PLPP4: variants seen among roughly 807,000 people sequenced by gnomAD.
PLPP4 encodes phospholipid phosphatase 4.
PLPP4 carries 20 observed loss-of-function variants against 32.2 expected under a neutral mutation model. The ratio of observed to expected loss-of-function variants is 0.62; its 90% CI spans 0.44 to 0.90. The LOEUF (loss-of-function observed/expected upper bound fraction) is 0.90. PLPP4 is among the 40% of genes least tolerant of loss of function. The probability of loss-of-function intolerance (pLI) is 0.00; values close to 1 mark genes in which losing one functional copy is unlikely to be tolerated. For synonymous variants in PLPP4, 127 were observed against 133.0 expected (o/e 0.95, Z 0.31); for missense variants, 257 against 353.1 (o/e 0.73, Z 2.18).
intron 5 of PLPP4, among the ~76,000 whole-genome samples, chr10:120,557,434 A>G (rs150579446): frequency 3.3e-4 from 50 of 152,298 alleles, no homozygotes; most frequent in African/African-American, 1.1e-3. Flanking sequence ...GGAGAATGCC[A>G]TGTCTTATTC....
At chr10:120,589,081 C>T (rs1029498647) in intron 6 of PLPP4, among the ~76,000 whole-genome samples, 9 of 152,112 alleles carry the variant, frequency 5.9e-5, no homozygotes, top group South Asian at 4.2e-4. Context: ...AACAAAAAAC[C>T]GGGAAGAAAG....
At chr10:120,524,306 C>T (rs182134105) in intron 5 of PLPP4, among the ~76,000 whole-genome samples, 45 of 152,174 alleles carry the variant, frequency 3.0e-4, no homozygotes, top group Admixed American at 9.8e-4. Context: ...TGTGACTGCT[C>T]CTCAGAGGGG....
At chr10:120,501,057 G>C (rs1348460011) in intron 1 of PLPP4, among the ~76,000 whole-genome samples, 2 of 152,268 alleles carry the variant, frequency 1.3e-5, no homozygotes, top group East Asian at 3.9e-4. Context: ...TCCAGCTCCT[G>C]CCAGGGTTCC....
intron 5 of PLPP4, among the ~76,000 whole-genome samples, chr10:120,555,368 GCATTGTGCCTGGGC>G (rs1848109578): frequency 6.6e-6 from 1 of 152,088 alleles, no homozygotes; most frequent in Non-Finnish European, 1.5e-5. Context: ...TATTTTCCTT[GCATTGTGCCTGGGC>G]CATGTGAGAC....
intron 5 of PLPP4, among the ~76,000 whole-genome samples, chr10:120,537,880 G>C (rs1304609800): frequency 6.6e-6 from 1 of 151,598 alleles, no homozygotes; most frequent in African/African-American, 2.4e-5. Flanking sequence ...AGCGAGCACT[G>C]TTCCGCATTC....
chr10:120,559,830 C>G (rs1340138495), intron 5 of PLPP4, among the ~76,000 whole-genome samples: 1 of 152,158 alleles, frequency 6.6e-6, no homozygotes, highest in Non-Finnish European at 1.5e-5. Flanking sequence ...TAAAATTTAT[C>G]AGACCTTACA....
intron 1 of PLPP4, among the ~76,000 whole-genome samples, chr10:120,474,447 G>A (rs758173260): frequency 1.3e-5 from 2 of 152,018 alleles, no homozygotes; most frequent in Non-Finnish European, 2.9e-5. Context: ...CTGAATTAAT[G>A]TACATAATAC....
chr10:120,552,447 C>G (rs1358651295), intron 5 of PLPP4, among the ~76,000 whole-genome samples: 1 of 152,084 alleles, frequency 6.6e-6, no homozygotes, highest in Non-Finnish European at 1.5e-5. Flanking sequence ...AAGTTGGAAT[C>G]TGATTTGATT....
At chr10:120,541,007 A>T (rs374443924) in intron 5 of PLPP4, among the ~76,000 whole-genome samples, 11 of 152,248 alleles carry the variant, frequency 7.2e-5, no homozygotes, top group Admixed American at 2.6e-4. Context: ...CATTCATTTT[A>T]AAATTATTTT....
chr10:120,575,327 A>G, intron 6 of PLPP4, 26 bp downstream of exon 6: 2 of 1,605,252 alleles, frequency 1.2e-6, no homozygotes, highest in Non-Finnish European at 8.5e-7. Flanking sequence ...GGGCCTGACT[A>G]GTCCTCACTG....
intron 5 of PLPP4, among the ~76,000 whole-genome samples, chr10:120,565,971 C>T (rs2134025667): frequency 6.6e-6 from 1 of 152,058 alleles, no homozygotes; most frequent in South Asian, 2.1e-4. Context: ...GCTATTTAAT[C>T]CGTCTACTGA....
chr10:120,503,746 G>C (rs1469163623), intron 1 of PLPP4, 72 bp from the exon 2 acceptor site: 1 of 1,589,442 alleles, frequency 6.3e-7, no homozygotes, highest in East Asian at 2.2e-5. Flanking sequence ...TGCATAGAAG[G>C]GGGGCCTCCT....
chr10:120,553,450 C>G (rs886667087), intron 5 of PLPP4, among the ~76,000 whole-genome samples: 1 of 152,172 alleles, frequency 6.6e-6, no homozygotes. Context: ...AGGAAACAGG[C>G]TTCACTAGAC....
chr10:120,507,514 C>T (rs2133875676), intron 2 of PLPP4, among the ~76,000 whole-genome samples: 1 of 152,290 alleles, frequency 6.6e-6, no homozygotes, highest in Middle Eastern at 3.4e-3. Flanking sequence ...AATCTCATGT[C>T]AGTGGAGAAA....
chr10:120,518,254 A>C (rs1012699892), intron 3 of PLPP4, among the ~76,000 whole-genome samples: 1 of 152,260 alleles, frequency 6.6e-6, no homozygotes, highest in African/African-American at 2.4e-5. Flanking sequence ...GGCAAAAAGC[A>C]CCGCCCGGGC....
intron 5 of PLPP4, among the ~76,000 whole-genome samples, chr10:120,535,561 A>G (rs935044749): frequency 6.6e-6 from 1 of 152,052 alleles, no homozygotes; most frequent in Non-Finnish European, 1.5e-5. Flanking sequence ...GTCTTCAACT[A>G]TGATTGTAGA....
rs1848406194 is a variant in PLPP4 at position 120,469,077 on chromosome 10, A to G, written c.56+11716A>G. 3.1e-5 allele frequency among the ~76,000 whole-genome samples: 2 copies of G among 64,872 alleles called. 1 individual carries two copies. The highest frequency in any genetic ancestry group is 6.6e-5 in the African/African-American group (2 of 30,432). 42.6% of individuals were successfully genotyped at this position (64,872 alleles called of 152,430 possible). A position where few individuals can be genotyped will look rare whatever the true frequency, so the allele number is the denominator to read the frequency against. On this transcript the variant is annotated intron_variant, in intron 1 of 6. Transcript: ENST00000398250. ...AATTATTAAAACTCAAATGGTCAAC[A>G]TTTGAAGATGATTTGGTAGATTGTG...
intron 5 of PLPP4, among the ~76,000 whole-genome samples, chr10:120,567,509 C>A (rs1848744761): frequency 6.6e-6 from 1 of 152,146 alleles, no homozygotes; most frequent in South Asian, 2.1e-4. Flanking sequence ...AGTCTTAATA[C>A]CTAGAAGAGT....
chr10:120,581,194 C>G, intron 6 of PLPP4: 1 of 985,420 alleles, frequency 1.0e-6, no homozygotes, highest in Non-Finnish European at 1.2e-6. Flanking sequence ...GGAAGATGGA[C>G]GTTGATTGCT....
Sources: allele counts gnomAD v4.1 joint callset (sites outside exome capture counted in the v4.1 genomes callset), GRCh38; gene constraint gnomAD v4.1.1; transcripts MANE v1.5; gene names NCBI Gene and HGNC (gene_info 2026-07-23, HGNC 2026-07-21).